The following PIH1D1 variants were observed in gnomAD, a reference collection of about 807,000 sequenced individuals.
PIH1D1 encodes the protein PIH1 domain containing 1, also known as PIH1 domain-containing protein 1.
Under a neutral mutation model 38.5 loss-of-function variants are expected in PIH1D1, and 28 were observed. The ratio of observed to expected loss-of-function variants is 0.73; its 90% CI spans 0.54 to 1.00. PIH1D1 has a LOEUF of 1.00. Among genes scored for constraint, PIH1D1 ranks in the 50% least tolerant of loss-of-function variants. The pLI, the probability that PIH1D1 is intolerant of heterozygous loss-of-function variation, is 0.00. For synonymous variants in PIH1D1, 155 were observed against 153.5 expected (o/e 1.01, Z -0.07); for missense variants, 343 against 369.9 (o/e 0.93, Z 0.60).
chr19:49,451,393 G>C (rs2079059231), intron 1 of PIH1D1, 92 bp downstream of exon 1: 2 of 1,558,652 alleles, frequency 1.3e-6, no homozygotes, highest in Non-Finnish European at 1.8e-6. Context: ...CCTGGTTCCC[G>C]CCTTAGTGCA....
intron 1 of PIH1D1, 85 bp from the exon 2 acceptor site, chr19:49,450,933 A>G (rs544991471): frequency 6.2e-7 from 1 of 1,607,466 alleles, no homozygotes; most frequent in African/African-American, 1.3e-5. Context: ...ATTCTTATGC[A>G]TGAGAGCTGT....
intron 1 of PIH1D1, 173 bp from the exon 2 acceptor site, chr19:49,451,021 ATTTCTTTT>A: frequency 3.7e-6 from 3 of 808,782 alleles, no homozygotes; most frequent in African/African-American, 4.9e-5. Flanking sequence ...CCCCATTCCC[ATTTCTTTT>A]TTTTTTTTTT....
chr19:49,450,881 G>A (rs772896870), intron 1 of PIH1D1, 33 bp from the exon 2 acceptor site: 12 of 1,613,512 alleles, frequency 7.4e-6, no homozygotes, highest in East Asian at 6.7e-5. Context: ...CAGGCTCGGA[G>A]TCTGTGCCAT....
Position 49,449,461 on chromosome 19 carries a change from C to T in PIH1D1, c.337+14G>A. The T allele has an allele frequency of 1.2e-6, 2 of 1,613,914 alleles. No homozygotes were observed. The highest frequency in any genetic ancestry group is 2.2e-5 in the South Asian group (2 of 91,076). On this transcript the variant is annotated intron_variant, in intron 3 of 8. Transcript: ENST00000262265. ...CTAGCGGGCCAGACTCCTGGGTCCT[C>T]TGAGGGCACTGACTTGCATCCAGTT...
intron 6 of PIH1D1, 84 bp downstream of exon 6, chr19:49,447,254 A>T: frequency 1.9e-6 from 3 of 1,568,904 alleles, no homozygotes; most frequent in Non-Finnish European, 2.6e-6. Flanking sequence ...GGGCCCCAGG[A>T]CATCACCCAG....
chr19:49,451,027 T>C (rs1216161528), intron 1 of PIH1D1, 179 bp from the exon 2 acceptor site: 4 of 79,396 alleles, frequency 5.0e-5, no homozygotes, highest in South Asian at 4.4e-4. Context: ...TCCCATTTCT[T>C]TTTTTTTTTT....
intron 8 of PIH1D1, 23 bp from the exon 9 acceptor site, chr19:49,446,446 A>ATG: frequency 8.4e-7 from 1 of 1,187,314 alleles, no homozygotes; most frequent in Non-Finnish European, 1.3e-6. Flanking sequence ...AGCAAAGAGA[A>ATG]TGAGGATCCA....
At chr19:49,447,764 G>A in intron 5 of PIH1D1, 63 bp downstream of exon 5, 1 of 1,515,892 alleles carries the variant, frequency 6.6e-7, no homozygotes. Context: ...TCCTCTCCTA[G>A]GGGTGTTCCC....
intron 7 of PIH1D1, 150 bp from the exon 8 acceptor site, chr19:49,446,844 C>G (rs974161574): frequency 9.0e-7 from 1 of 1,113,786 alleles, no homozygotes; most frequent in Non-Finnish European, 1.3e-6. Flanking sequence ...TCTCAACGAC[C>G]GAGCACTTAC....
rs2079033881 is a variant in PIH1D1, at chr19:49,447,827, C to G, written c.481G>C (p.Glu161Gln). The G allele has an allele frequency of 6.2e-7, 1 of 1,613,964 alleles. No homozygotes were observed. Among genetic ancestry groups the G allele is most frequent in the Non-Finnish European group, 8.5e-7 (1 of 1,179,938 alleles). The change falls in exon 5 of 9, where the codon GAA becomes CAA. Residue 161 changes from glutamate (E) to glutamine (Q), a missense_variant and splice_region_variant. Coordinates refer to ENST00000262265, the MANE Select transcript of PIH1D1 (RefSeq NM_017916.3). Reference protein sequence around the residue: ...EDKYNLQLNPEWRMMKNRPFM... With the variant: ...EDKYNLQLNPQWRMMKNRPFM... ...CGAGGGCCCAGGACCTGCCCCTCACCCGGATTCAGCTGCAAGTTGTATTTG... is the reference window on the plus strand; with the variant it reads ...CGAGGGCCCAGGACCTGCCCCTCACGCGGATTCAGCTGCAAGTTGTATTTG...
At position 49,451,699 on chromosome 19, in the gene PIH1D1, ACCTAAGACTGG is replaced by A. The variant is rs2079062260; in HGVS notation, c.-136_-126del. 36 of 1,460,504 alleles carry A rather than the reference ACCTAAGACTGG, an allele frequency of 2.5e-5. No homozygotes were observed. In the South Asian group the frequency reaches 4.6e-4, roughly 19 times the overall value. 90.5% of individuals were successfully genotyped at this position (1,460,504 alleles called of 1,614,324 possible). ...CGGATACCTACTATCCTGTTCAAAA[ACCTAAGACTGG>A]CCTAAGACTACATTTCCATTCAAGA... On this transcript the variant is annotated 5_prime_UTR_variant, in exon 1 of 9. An upstream open reading frame in the 5' UTR loses its in-frame stop. Transcript: ENST00000262265.
chr19:49,446,853 A>T (rs1355927829), intron 7 of PIH1D1, 159 bp from the exon 8 acceptor site: 5 of 1,102,684 alleles, frequency 4.5e-6, no homozygotes, highest in Non-Finnish European at 6.7e-6. Context: ...CCGAGCACTT[A>T]CAATCCCTTG....
Position 49,447,922 on chromosome 19 carries a change from G to GAGGGA in PIH1D1, c.400-19_400-15dup, listed in dbSNP as rs755365745. The GAGGGA allele has an allele frequency of 6.2e-7, 1 of 1,614,150 alleles. No individual in the cohort carries two copies. Among genetic ancestry groups the GAGGGA allele is most frequent in the Non-Finnish European group, 8.5e-7 (1 of 1,180,000 alleles). On this transcript the variant is annotated splice_polypyrimidine_tract_variant and intron_variant, in intron 4 of 8. Coordinates refer to ENST00000262265, the MANE Select transcript of PIH1D1 (RefSeq NM_017916.3). ...GAAATCGCTGTTCTGGGGTGACAGAGAGGGAAAAGACAGGCGGTGGCGGGG... is the reference window on the plus strand; with the variant it reads ...GAAATCGCTGTTCTGGGGTGACAGAGAGGGAAGGGAAAAGACAGGCGGTGGCGGGG...
chr19:49,450,675 T>TCTGGC, intron 2 of PIH1D1, 107 bp downstream of exon 2: 1 of 727,412 alleles, frequency 1.4e-6, no homozygotes, highest in Non-Finnish European at 2.3e-6. Flanking sequence ...GGGTGTCTGC[T>TCTGGC]CACCCCACCC....
Position 49,448,516 on chromosome 19 carries a change from CCTT to C in PIH1D1, c.338-457_338-455del, listed in dbSNP as rs746251546. 8.2e-4 allele frequency: 159 copies of C among 193,586 alleles called. 1 individual carries two copies. Among genetic ancestry groups the C allele is most frequent in the Non-Finnish European group, 4.3e-4 (40 of 92,326 alleles). The allele number at this position is 193,586 out of a possible 1,614,324, so 12.0% of individuals were successfully genotyped here. A position where few individuals can be genotyped will look rare whatever the true frequency, so the allele number is the denominator to read the frequency against. ...CAGCTCTGGGCCGCTCTACCTAGAACCTTCTTCTGTCTGCCTGCTGAACTCCTC... is the reference window on the plus strand; with the variant it reads ...CAGCTCTGGGCCGCTCTACCTAGAACCTTCTGTCTGCCTGCTGAACTCCTC... On this transcript the variant is annotated intron_variant, in intron 3 of 8. Transcript: ENST00000262265.
chr19:49,447,581 C>A, intron 5 of PIH1D1, 114 bp from the exon 6 acceptor site: 1 of 1,321,890 alleles, frequency 7.6e-7, no homozygotes, highest in Non-Finnish European at 1.0e-6. Context: ...GGTCTGACCA[C>A]ACCCCGCAGG....
chr19:49,446,479 GCCCC>G (rs1219965261), intron 8 of PIH1D1, 56 bp from the exon 9 acceptor site: 10 of 1,510,190 alleles, frequency 6.6e-6, no homozygotes, highest in Non-Finnish European at 9.2e-6. Context: ...CCAGCTCCCA[GCCCC>G]CCTCCCTGGG....
At position 49,451,803 on chromosome 19, in the gene PIH1D1, CG is replaced by C. The variant is rs1000550973; in HGVS notation, c.-230del. The C allele has an allele frequency of 2.3e-6, 3 of 1,308,814 alleles. No individual in the cohort carries two copies. In the African/African-American group the frequency reaches 4.5e-5, roughly 19 times the overall value. 81.1% of individuals were successfully genotyped at this position (1,308,814 alleles called of 1,614,324 possible). A position where few individuals can be genotyped will look rare whatever the true frequency, so the allele number is the denominator to read the frequency against. On this transcript the variant is annotated 5_prime_UTR_variant, in exon 1 of 9. Transcript: ENST00000262265. The stretch of plus-strand genomic sequence containing the variant: ...ACGCACTACCCTCCGTCCTACGTGC[CG>C]AACTGTAAACGAAGCCACACTTCCG...
rs199782787 is a variant in PIH1D1 at position 49,446,995 on chromosome 19, C to T, written c.687+29G>A. On this transcript the variant is annotated intron_variant, in intron 7 of 8. Transcript: ENST00000262265. ...CCCTGACCTTTCCAGACCTCATTCC[C>T]CTGCTCTGGTCCAGCGCGCAAAACT... 55 of 1,569,534 alleles carry T rather than the reference C, an allele frequency of 3.5e-5. No homozygotes were observed. The East Asian group carries it at 1.1e-3, about 31-fold the overall frequency.
Sources: gnomAD v4.1 joint callset for allele counts on GRCh38, gnomAD v4.1.1 for gene constraint, MANE v1.5 for transcripts, NCBI Gene and HGNC (gene_info 2026-07-23, HGNC 2026-07-21) for gene names.